Variants in DOCK7 observed in about 807,000 individuals in gnomAD.
DOCK7 encodes the protein dedicator of cytokinesis 7.
Under a neutral mutation model 271.0 loss-of-function variants are expected in DOCK7, and 138 were observed. That is an observed-to-expected ratio of 0.51 (90% CI 0.44 to 0.59). The LOEUF is 0.59. DOCK7 is among the 20% of genes least tolerant of loss of function. The probability of loss-of-function intolerance (pLI) is 0.00; values close to 1 mark genes in which losing one functional copy is unlikely to be tolerated. For synonymous variants in DOCK7, 823 were observed against 876.1 expected (o/e 0.94, Z 1.07); for missense variants, 2,066 against 2,592.4 (o/e 0.80, Z 4.41).
intron 31 of DOCK7, among the ~76,000 whole-genome samples, chr1:62,517,218 T>C (rs1220827656): frequency 1.3e-5 from 2 of 152,172 alleles, no homozygotes; most frequent in Non-Finnish European, 1.5e-5. Flanking sequence ...TGCCTTTTAT[T>C]ACCATTATGG....
intron 48 of DOCK7, 199 bp from the exon 49 acceptor site, chr1:62,457,904 C>T (rs1009580375): frequency 5.5e-5 from 28 of 510,024 alleles, no homozygotes; most frequent in African/African-American, 4.4e-4. Flanking sequence ...AATCCCAGCA[C>T]TTTGGGAGGT....
intron 40 of DOCK7, among the ~76,000 whole-genome samples, chr1:62,493,792 G>C (rs192890730): frequency 4.4e-4 from 67 of 152,224 alleles, no homozygotes; most frequent in Middle Eastern, 3.4e-3. Flanking sequence ...ACTGACTCTT[G>C]GTAAGCAGAG....
At chr1:62,508,213 C>T (rs1188314510) in intron 34 of DOCK7, among the ~76,000 whole-genome samples, 155 bp from the exon 35 acceptor site, 2 of 152,162 alleles carry the variant, frequency 1.3e-5, no homozygotes, top group Non-Finnish European at 2.9e-5. Flanking sequence ...CAGTAGTTTA[C>T]ACATTTATGC....
At chr1:62,513,208 GGACTTTCTAGAGAACGTTTTCTAGAGAA>G (rs1557650057) in intron 33 of DOCK7, among the ~76,000 whole-genome samples, 8 of 131,998 alleles carry the variant, frequency 6.1e-5, no homozygotes, top group Admixed American at 1.8e-4. Context: ...TTTCTAGAGA[GGACTTTCTAGAGAACGTTTTCTAGAGAA>G]GACTTTCTAG....
At chr1:62,633,427 A>C in intron 10 of DOCK7, 71 bp downstream of exon 10, 1 of 1,149,004 alleles carries the variant, frequency 8.7e-7, no homozygotes, top group South Asian at 1.3e-5. Flanking sequence ...ATAAAATGCT[A>C]TTGGGAGAAT....
At chr1:62,534,919 C>T (rs894918562) in intron 29 of DOCK7, among the ~76,000 whole-genome samples, 3 of 151,970 alleles carry the variant, frequency 2.0e-5, no homozygotes, top group African/African-American at 7.3e-5. Context: ...GGTGAAACCC[C>T]ATCTCTACTA....
chr1:62,603,750 T>A (rs1156814624), intron 14 of DOCK7, among the ~76,000 whole-genome samples: 1 of 151,890 alleles, frequency 6.6e-6, no homozygotes, highest in South Asian at 2.1e-4. Context: ...GAAAGGATAA[T>A]CAGACTTTCA....
At chr1:62,494,530 T>C in intron 39 of DOCK7, 63 bp from the exon 40 acceptor site, 1 of 1,467,938 alleles carries the variant, frequency 6.8e-7, no homozygotes, top group Non-Finnish European at 9.3e-7. Context: ...GGAGTTTAGA[T>C]AGCTCGCTCA....
At chr1:62,460,539 A>G (rs1005572941) in intron 48 of DOCK7, among the ~76,000 whole-genome samples, 1 of 152,044 alleles carries the variant, frequency 6.6e-6, no homozygotes, top group Non-Finnish European at 1.5e-5. Context: ...TTGTCTTCAG[A>G]TTTTGGTATC....
chr1:62,628,921 A>C lies in DOCK7; in HGVS notation c.1282+2319T>G, dbSNP rs563636051. ...AGACCAAAGCCATTAAAAAATGAGCAAAGGTTAAAAATACCTATTACTCCA... is the reference window on the plus strand; with the variant it reads ...AGACCAAAGCCATTAAAAAATGAGCCAAGGTTAAAAATACCTATTACTCCA... On this transcript the variant is annotated intron_variant, in intron 11 of 49. Coordinates refer to ENST00000635253, the MANE Select transcript of DOCK7 (RefSeq NM_001367561.1). 4 of 152,382 alleles carry C rather than the reference A, an allele frequency of 2.6e-5. No individual in the cohort carries two copies. The South Asian group carries it at 8.3e-4, about 32-fold the overall frequency. The allele number at this position is 152,382 out of a possible 1,614,324, so 9.4% of individuals were successfully genotyped here.
chr1:62,541,663 T>G (rs1310652920), intron 25 of DOCK7, among the ~76,000 whole-genome samples: 4 of 152,192 alleles, frequency 2.6e-5, no homozygotes, highest in Admixed American at 2.6e-4. Context: ...AAAATATGAT[T>G]ATGTTACCAG....
At chr1:62,517,144 C>T (rs982284783) in intron 31 of DOCK7, among the ~76,000 whole-genome samples, 1 of 152,150 alleles carries the variant, frequency 6.6e-6, no homozygotes, top group African/African-American at 2.4e-5. Context: ...ACTTCCTTAA[C>T]CAACTTGTCT....
chr1:62,681,233 T>C (rs536206550), intron 1 of DOCK7, among the ~76,000 whole-genome samples: 10 of 151,928 alleles, frequency 6.6e-5, no homozygotes, highest in African/African-American at 2.2e-4. Context: ...ATGTCCTTTG[T>C]AGGGACATGG....
chr1:62,548,482 G>A (rs938302249), intron 22 of DOCK7, among the ~76,000 whole-genome samples: 18 of 150,142 alleles, frequency 1.2e-4, no homozygotes, highest in East Asian at 3.9e-4. Context: ...GTGCAATGGC[G>A]CGATCTTGGC....
In DOCK7 at chr1:62,688,284, ACGGCGGCGG is replaced by A. The variant is rs746980228; in HGVS notation, c.-29_-21del. The A allele has an allele frequency of 3.2e-6, 4 of 1,253,764 alleles. No individual in the cohort carries two copies. Among genetic ancestry groups the A allele is most frequent in the Non-Finnish European group, 4.0e-6 (4 of 989,936 alleles). 77.7% of individuals were successfully genotyped at this position (1,253,764 alleles called of 1,614,324 possible). A position where few individuals can be genotyped will look rare whatever the true frequency, so the allele number is the denominator to read the frequency against. On this transcript the variant is annotated 5_prime_UTR_variant, in exon 1 of 50. Coordinates refer to ENST00000635253, the MANE Select transcript of DOCK7 (RefSeq NM_001367561.1). ...GGCCATGGCTGCTGCGGCGACGGCG[ACGGCGGCGG>A]CGGCTGCGGCGGGCCGGGTGCGGAC...
chr1:62,486,775 G>A (rs2149281075), intron 43 of DOCK7: 1 of 152,192 alleles, frequency 6.6e-6, no homozygotes, highest in East Asian at 1.9e-4. Flanking sequence ...TTCCTCAGTA[G>A]TGCTCATAGT....
chr1:62,460,066 C>A (rs2149226265), intron 48 of DOCK7, among the ~76,000 whole-genome samples: 1 of 137,814 alleles, frequency 7.3e-6, no homozygotes, highest in South Asian at 2.3e-4. Flanking sequence ...CGCCACTACA[C>A]TCCAGCCTGG....
intron 22 of DOCK7, among the ~76,000 whole-genome samples, chr1:62,552,216 G>T (rs903175161): frequency 6.6e-6 from 1 of 151,898 alleles, no homozygotes; most frequent in Non-Finnish European, 1.5e-5. Context: ...AAATGTGTGT[G>T]GGGGGTGGGG....
chr1:62,651,382 T>C, intron 4 of DOCK7, among the ~76,000 whole-genome samples: 1 of 147,818 alleles, frequency 6.8e-6, no homozygotes, highest in East Asian at 2.0e-4. Context: ...CACACCAACA[T>C]GGCACATGTA....
Sources: allele counts gnomAD v4.1 joint callset (sites outside exome capture counted in the v4.1 genomes callset), GRCh38; gene constraint gnomAD v4.1.1; transcripts MANE v1.5; gene names NCBI Gene and HGNC (gene_info 2026-07-23, HGNC 2026-07-21).